The following HMGN5 variants were observed in gnomAD, a reference collection of about 807,000 sequenced individuals.
The protein encoded by HMGN5 is high mobility group nucleosome-binding domain-containing protein 5.
Under a neutral mutation model 9.5 loss-of-function variants are expected in HMGN5, and 4 were observed. The observed-to-expected ratio is 0.42, with a 90% CI of 0.21 to 0.96. The LOEUF is 0.96. Among genes scored for constraint, HMGN5 ranks in the 40% least tolerant of loss-of-function variants. The pLI is 0.30. For missense variants in HMGN5, 192 were observed against 187.5 expected, an observed-to-expected ratio of 1.02 and a Z score of -0.14; for synonymous variants, 55 against 57.1, an observed-to-expected ratio of 0.96 and a Z score of 0.16.
chrX:81,198,239 A>G (rs753226013), intron 1 of HMGN5, among the ~76,000 whole-genome samples: 4 of 111,618 alleles, frequency 3.6e-5, no homozygotes, highest in Non-Finnish European at 7.5e-5. Flanking sequence ...GAGCTAATTT[A>G]AGTATTTCTG....
At chrX:81,126,601 G>A (rs1461470821) in intron 1 of HMGN5, among the ~76,000 whole-genome samples, 1 of 111,396 alleles carries the variant, frequency 9.0e-6, no homozygotes, top group Non-Finnish European at 1.9e-5. Context: ...TAAAAATTGC[G>A]GATGAGATTC....
At chrX:81,178,127 C>T (rs1283889841) in intron 1 of HMGN5, among the ~76,000 whole-genome samples, 3 of 111,209 alleles carry the variant, frequency 2.7e-5, no homozygotes, top group East Asian at 2.8e-4. Context: ...GATCTCAAAT[C>T]GACACCCTAA....
At position 81,144,282 on chromosome X, in the gene HMGN5, C is replaced by T. The variant is rs773732622; in HGVS notation, c.-123-22610G>A. ...GGCATCTGGCAGGTGGCCTCCAGGA[C>T]GAAGCTTCCAGAGGAAGGAACAGGC... On this transcript the variant is annotated intron_variant, in intron 1 of 6. Transcript: ENST00000358130. 1.2e-3 allele frequency among the ~76,000 whole-genome samples: 132 copies of T among 111,481 alleles called. 1 individual carries two copies. The highest frequency in any genetic ancestry group is 1.0e-3 in the Non-Finnish European group (55 of 53,071).
chrX:81,137,041 A>T (rs1032473097), intron 1 of HMGN5, among the ~76,000 whole-genome samples: 2 of 111,645 alleles, frequency 1.8e-5, no homozygotes, highest in African/African-American at 6.5e-5. Context: ...CCCAAAACAA[A>T]TAAATGAAGC....
chrX:81,188,087 G>A (rs891221356), intron 1 of HMGN5, among the ~76,000 whole-genome samples: 1 of 108,352 alleles, frequency 9.2e-6, no homozygotes, highest in Non-Finnish European at 1.9e-5. Context: ...GTCTTGAAAA[G>A]TTGTAATTAT....
At chrX:81,157,467 G>T (rs761993584) in intron 1 of HMGN5, among the ~76,000 whole-genome samples, 1 of 111,566 alleles carries the variant, frequency 9.0e-6, no homozygotes, top group East Asian at 2.8e-4. Flanking sequence ...TAAAAGTGTC[G>T]AAAGCGTTTC....
At chrX:81,150,281 G>A (rs1159192478) in intron 1 of HMGN5, among the ~76,000 whole-genome samples, 2 of 111,893 alleles carry the variant, frequency 1.8e-5, no homozygotes, top group African/African-American at 3.2e-5. Context: ...AAAAACACAT[G>A]TGCTGGGTGC....
At position 81,115,099 on chromosome X, in the gene HMGN5, ATCT is replaced by A; in HGVS notation, c.396_398del (p.Glu132del). ...CTTTCTCTTCGTTTTGATCTTCTTC[ATCT>A]TCTTTCTGATCTTCTTCTTCATTTT... On this transcript the variant is annotated inframe_deletion, in exon 7 of 7. Transcript: ENST00000358130. 6 of 1,147,127 alleles carry A rather than the reference ATCT, an allele frequency of 5.2e-6. No homozygotes were observed. Among genetic ancestry groups the A allele is most frequent in the Non-Finnish European group, 6.9e-6 (6 of 865,289 alleles). The allele number at this position is 1,147,127 out of a possible 1,213,427, so 94.5% of individuals were successfully genotyped here.
intron 2 of HMGN5, among the ~76,000 whole-genome samples, chrX:81,121,073 A>G (rs998060781): frequency 1.1e-4 from 12 of 110,132 alleles, no homozygotes; most frequent in Non-Finnish European, 2.1e-4. Context: ...AGGAAAAAAA[A>G]AAAAGAAAAA....
At chrX:81,167,453 TACACACACACACAC>T (rs371953666) in intron 1 of HMGN5, among the ~76,000 whole-genome samples, 12 of 102,922 alleles carry the variant, frequency 1.2e-4, no homozygotes, top group Admixed American at 1.2e-3. Context: ...CATATTTGTG[TACACACACACACAC>T]ACACACACAC....
intron 1 of HMGN5, among the ~76,000 whole-genome samples, chrX:81,187,326 G>A (rs753829291): frequency 9.0e-6 from 1 of 111,446 alleles, no homozygotes; most frequent in African/African-American, 3.3e-5. Flanking sequence ...TTGTATTGGG[G>A]CATCTGTCTC....
chrX:81,171,521 A>C (rs1255537546), intron 1 of HMGN5, among the ~76,000 whole-genome samples: 1 of 111,614 alleles, frequency 9.0e-6, no homozygotes, highest in Admixed American at 9.6e-5. Context: ...GTTATTTAAC[A>C]ATTCATTGTT....
intron 1 of HMGN5, among the ~76,000 whole-genome samples, chrX:81,121,954 GT>G (rs1019957117): frequency 1.1e-4 from 12 of 111,335 alleles, no homozygotes; most frequent in African/African-American, 2.6e-4. Context: ...GACTTGATCA[GT>G]TTTTTTTTCT....
chrX:81,166,278 C>CAT (rs750302008), intron 1 of HMGN5, among the ~76,000 whole-genome samples: 46 of 110,320 alleles, frequency 4.2e-4, no homozygotes, highest in East Asian at 1.4e-3. Context: ...TTCTTCTTTC[C>CAT]ATATATATAT....
chrX:81,144,097 A>G (rs977604474), intron 1 of HMGN5, among the ~76,000 whole-genome samples: 1 of 111,735 alleles, frequency 8.9e-6, no homozygotes, highest in East Asian at 2.8e-4. Context: ...ACGTCCCTGC[A>G]TGACAGCTCT....
At chrX:81,192,724 T>C (rs1030783083) in intron 1 of HMGN5, among the ~76,000 whole-genome samples, 3 of 112,264 alleles carry the variant, frequency 2.7e-5, no homozygotes, top group Admixed American at 9.5e-5. Context: ...TTGTAAGGGA[T>C]ATTTTTGTTG....
chrX:81,122,700 A>C (rs768715721), intron 1 of HMGN5, among the ~76,000 whole-genome samples: 1 of 111,969 alleles, frequency 8.9e-6, no homozygotes, highest in South Asian at 3.8e-4. Flanking sequence ...CGGCCCTTTA[A>C]AATTTTTGCC....
intron 1 of HMGN5, among the ~76,000 whole-genome samples, chrX:81,130,721 A>T (rs1291085642): frequency 9.0e-6 from 1 of 110,763 alleles, no homozygotes; most frequent in Admixed American, 9.8e-5. Context: ...GAACGTAATT[A>T]TCCTGACCAC....
At position 81,115,718 on chromosome X, in the gene HMGN5, T is replaced by A. The variant is rs938703156; in HGVS notation, c.267+486A>T. Among the ~76,000 whole-genome samples, 4 of 112,402 alleles carry A rather than the reference T, an allele frequency of 3.6e-5. No homozygotes were observed. In the Admixed American group the frequency reaches 3.8e-4, roughly 11 times the overall value. ...ACAAAAGATTTTCCATATTTGCATATGTTTGGTTTATAGATTTGGTGGCTA... is the reference window on the plus strand; with the variant it reads ...ACAAAAGATTTTCCATATTTGCATAAGTTTGGTTTATAGATTTGGTGGCTA... On this transcript the variant is annotated intron_variant, in intron 6 of 6. Coordinates refer to ENST00000358130, the MANE Select transcript of HMGN5 (RefSeq NM_030763.3).
Sources: gnomAD v4.1 joint callset for allele counts (sites outside exome capture counted in the v4.1 genomes callset) on GRCh38, gnomAD v4.1.1 for gene constraint, MANE v1.5 for transcripts, NCBI Gene and HGNC (gene_info 2026-07-23, HGNC 2026-07-21) for gene names.